FSTL5: variants seen among roughly 807,000 people sequenced by gnomAD.
FSTL5 encodes the protein follistatin-related protein 5.
FSTL5 carries 62 observed loss-of-function variants against 89.1 expected under a neutral mutation model. That is an observed-to-expected ratio of 0.70 (90% CI 0.57 to 0.86). FSTL5 has a LOEUF of 0.86. Ranked by LOEUF, FSTL5 falls within the 40% of genes least tolerant of loss-of-function variation. The probability of loss-of-function intolerance (pLI) is 0.00; values close to 1 mark genes in which losing one functional copy is unlikely to be tolerated. For synonymous variants in FSTL5, 383 were observed against 346.2 expected (o/e 1.11, Z -1.18); for missense variants, 1,057 against 1,001.6 (o/e 1.06, Z -0.75).
intron 3 of FSTL5, among the ~76,000 whole-genome samples, chr4:162,013,442 C>T (rs567485897): frequency 7.7e-4 from 117 of 152,076 alleles, no homozygotes; most frequent in African/African-American, 2.5e-3. Context: ...AGGAATGTTA[C>T]GTAGCAAAAT....
At chr4:162,132,221 T>C (rs1732328875) in intron 1 of FSTL5, among the ~76,000 whole-genome samples, 1 of 152,162 alleles carries the variant, frequency 6.6e-6, no homozygotes, top group African/African-American at 2.4e-5. Flanking sequence ...GGCAGAATTG[T>C]TATCTATATA....
intron 13 of FSTL5, among the ~76,000 whole-genome samples, chr4:161,476,023 G>T (rs1247294139): frequency 6.6e-6 from 1 of 151,728 alleles, no homozygotes; most frequent in African/African-American, 2.4e-5. Context: ...AAAATGCTGG[G>T]ATTACAGGTG....
At chr4:161,854,309 T>C (rs1463173112) in intron 4 of FSTL5, among the ~76,000 whole-genome samples, 1 of 152,202 alleles carries the variant, frequency 6.6e-6, no homozygotes, top group Non-Finnish European at 1.5e-5. Flanking sequence ...GCTTCTGCCA[T>C]GCAATGAGTC....
At chr4:161,687,237 G>A (rs748447253) in intron 6 of FSTL5, among the ~76,000 whole-genome samples, 2 of 152,006 alleles carry the variant, frequency 1.3e-5, no homozygotes, top group Non-Finnish European at 2.9e-5. Flanking sequence ...AAATAATTTT[G>A]TCATTCATTT....
chr4:161,576,993 T>C (rs1733233680), intron 8 of FSTL5, among the ~76,000 whole-genome samples: 1 of 152,236 alleles, frequency 6.6e-6, no homozygotes, highest in Admixed American at 6.5e-5. Context: ...TGAGAAGTTA[T>C]GATCCAGTCA....
At chr4:161,978,508 A>C (rs968124085) in intron 3 of FSTL5, among the ~76,000 whole-genome samples, 2 of 152,094 alleles carry the variant, frequency 1.3e-5, no homozygotes, top group East Asian at 1.9e-4. Context: ...AATAGTTTTA[A>C]ATTTAACATT....
At chr4:162,062,414 A>T (rs956533057) in intron 2 of FSTL5, among the ~76,000 whole-genome samples, 1 of 151,816 alleles carries the variant, frequency 6.6e-6, no homozygotes, top group Non-Finnish European at 1.5e-5. Context: ...TTTCTATTGG[A>T]ATTTCCTGAA....
At chr4:161,725,677 T>A (rs1428246877) in intron 6 of FSTL5, among the ~76,000 whole-genome samples, 1 of 152,146 alleles carries the variant, frequency 6.6e-6, no homozygotes, top group Non-Finnish European at 1.5e-5. Flanking sequence ...AAAGAGTCAA[T>A]TCTTTAATCC....
At chr4:161,849,736 T>C (rs568339020) in intron 4 of FSTL5, among the ~76,000 whole-genome samples, 1 of 152,298 alleles carries the variant, frequency 6.6e-6, no homozygotes, top group East Asian at 1.9e-4. Flanking sequence ...AAACAAATAC[T>C]ATCTACTAAT....
chr4:162,157,793 T>G (rs1318201870), intron 1 of FSTL5, among the ~76,000 whole-genome samples: 1 of 152,090 alleles, frequency 6.6e-6, no homozygotes, highest in East Asian at 1.9e-4. Context: ...GGGAGTCTGA[T>G]GCAACTTTCT....
At chr4:161,958,546 C>T (rs1315668953) in intron 3 of FSTL5, among the ~76,000 whole-genome samples, 1 of 152,058 alleles carries the variant, frequency 6.6e-6, no homozygotes, top group Non-Finnish European at 1.5e-5. Flanking sequence ...TTGATGGGAA[C>T]AAGAACAATG....
At chr4:161,537,305 C>T (rs1025503677) in intron 10 of FSTL5, among the ~76,000 whole-genome samples, 14 of 152,156 alleles carry the variant, frequency 9.2e-5, no homozygotes, top group Admixed American at 2.6e-4. Context: ...TTAATAACAG[C>T]GTAACAAGTA....
intron 3 of FSTL5, among the ~76,000 whole-genome samples, chr4:161,977,639 A>AAAAAAAAAAAATAAT (rs1553988132): frequency 4.0e-5 from 4 of 101,244 alleles, no homozygotes; most frequent in African/African-American, 4.1e-5. Flanking sequence ...AAAAAAAAAA[A>AAAAAAAAAAAATAAT]AATAATAATA....
intron 2 of FSTL5, among the ~76,000 whole-genome samples, chr4:162,051,901 G>A (rs918311199): frequency 4.0e-5 from 6 of 151,540 alleles, no homozygotes; most frequent in African/African-American, 1.4e-4. Flanking sequence ...TTCATCTGGT[G>A]TAAGAGGTTG....
At chr4:161,648,414 G>A (rs1325097877) in intron 7 of FSTL5, among the ~76,000 whole-genome samples, 1 of 152,066 alleles carries the variant, frequency 6.6e-6, no homozygotes, top group African/African-American at 2.4e-5. Context: ...CAGCCCCATC[G>A]CACACCCTGT....
rs1352373655 is a variant in FSTL5, at chr4:161,669,406, C to T, written c.728-12912G>A. Among the ~76,000 whole-genome samples the T allele has an allele frequency of 3.3e-5, 5 of 151,870 alleles. No homozygotes were observed. In the East Asian group the frequency reaches 5.8e-4, roughly 18 times the overall value. ...GACTTCAAGAGTTGCTACAAAGCTACAATAATCAAGGCAGTGTGGCACTGG... is the reference window on the plus strand; with the variant it reads ...GACTTCAAGAGTTGCTACAAAGCTATAATAATCAAGGCAGTGTGGCACTGG... On this transcript the variant is annotated intron_variant, in intron 6 of 15. Coordinates refer to ENST00000306100, the MANE Select transcript of FSTL5 (RefSeq NM_020116.5).
chr4:161,545,539 T>C, intron 8 of FSTL5, among the ~76,000 whole-genome samples: 1 of 152,040 alleles, frequency 6.6e-6, no homozygotes, highest in Non-Finnish European at 1.5e-5. Flanking sequence ...GATTATGTAC[T>C]TATTTTTGGT....
At chr4:161,591,063 C>T (rs1210279015) in intron 7 of FSTL5, among the ~76,000 whole-genome samples, 1 of 152,152 alleles carries the variant, frequency 6.6e-6, no homozygotes, top group Admixed American at 6.5e-5. Flanking sequence ...ATAAAATGTA[C>T]TATATCTATA....
At chr4:161,529,969 G>A (rs28537595) in intron 10 of FSTL5, among the ~76,000 whole-genome samples, 4,451 of 142,810 alleles carry the variant, frequency 0.031, 614 homozygotes, top group African/African-American at 0.1. Context: ...AGACTATATT[G>A]TTCAACTGTT....
Sources: gnomAD v4.1 joint callset for allele counts (sites outside exome capture counted in the v4.1 genomes callset) on GRCh38, gnomAD v4.1.1 for gene constraint, MANE v1.5 for transcripts, NCBI Gene and HGNC (gene_info 2026-07-23, HGNC 2026-07-21) for gene names.